JMJD1C: variants seen among roughly 807,000 people sequenced by gnomAD.
JMJD1C encodes the protein jumonji domain containing 1C.
Under a neutral mutation model 245.3 loss-of-function variants are expected in JMJD1C, and 31 were observed. The ratio of observed to expected loss-of-function variants is 0.13; its 90% CI spans 0.09 to 0.17. The LOEUF is 0.17. Ranked by LOEUF, JMJD1C falls within the 10% of genes least tolerant of loss-of-function variation. The pLI, the probability that JMJD1C is intolerant of heterozygous loss-of-function variation, is 1.00. For missense variants in JMJD1C, 2,691 were observed against 3,000.2 expected (o/e 0.90, Z 2.41); for synonymous variants, 1,057 against 1,017.4 (o/e 1.04, Z -0.74).
intron 1 of JMJD1C, among the ~76,000 whole-genome samples, chr10:63,505,159 T>C (rs1954679345): frequency 6.6e-6 from 1 of 151,608 alleles, no homozygotes; most frequent in African/African-American, 2.4e-5. Context: ...AAAAATATTT[T>C]TTAAAAAATT....
intron 24 of JMJD1C, among the ~76,000 whole-genome samples, chr10:63,169,028 T>TAAC (rs1842102769): frequency 1.3e-5 from 2 of 152,200 alleles, no homozygotes; most frequent in Non-Finnish European, 2.9e-5. Context: ...GAAACTTTGT[T>TAAC]AGGAACTGGG....
intron 2 of JMJD1C, among the ~76,000 whole-genome samples, chr10:63,312,265 G>A (rs1223153473): frequency 2.0e-5 from 3 of 151,826 alleles, no homozygotes; most frequent in Non-Finnish European, 4.4e-5. Flanking sequence ...GCATCACCAC[G>A]CCCAGCTAAT....
At chr10:63,324,481 T>C (rs768293047) in intron 2 of JMJD1C, among the ~76,000 whole-genome samples, 1 of 152,158 alleles carries the variant, frequency 6.6e-6, no homozygotes, top group Non-Finnish European at 1.5e-5. Context: ...TTTATACACA[T>C]CAAACAATAC....
intron 2 of JMJD1C, among the ~76,000 whole-genome samples, chr10:63,364,047 T>C (rs549508891): frequency 2.6e-4 from 39 of 152,138 alleles, no homozygotes; most frequent in African/African-American, 8.7e-4. Flanking sequence ...TTTTTTTACG[T>C]AGAGACTGGG....
Position 63,217,334 on chromosome 10 carries a change from TAAA to T in JMJD1C, c.554-6_554-4del. On this transcript the variant is annotated splice_region_variant and splice_polypyrimidine_tract_variant and intron_variant, in intron 4 of 25. Coordinates refer to ENST00000399262, the MANE Select transcript of JMJD1C (RefSeq NM_032776.3). The stretch of plus-strand genomic sequence containing the variant: ...GTATCCATTTAAGGAATAAGGACCT[TAAA>T]AAAAACACAAGAAACAGAAACATCT... 1.3e-6 allele frequency: 2 copies of T among 1,553,354 alleles called. No individual in the cohort carries two copies. Among genetic ancestry groups the T allele is most frequent in the Non-Finnish European group, 1.7e-6 (2 of 1,153,584 alleles).
intron 1 of JMJD1C, among the ~76,000 whole-genome samples, chr10:63,494,865 T>C (rs1221568390): frequency 6.6e-6 from 1 of 152,226 alleles, no homozygotes; most frequent in Non-Finnish European, 1.5e-5. Context: ...CAATATGATC[T>C]GAATAGGCTC....
At chr10:63,315,272 C>T (rs906731320) in intron 2 of JMJD1C, among the ~76,000 whole-genome samples, 5 of 152,112 alleles carry the variant, frequency 3.3e-5, no homozygotes, top group African/African-American at 1.2e-4. Context: ...CCTCTCCTAC[C>T]TCCCCCATCT....
At chr10:63,401,429 G>A (rs189748043) in intron 1 of JMJD1C, among the ~76,000 whole-genome samples, 2 of 151,870 alleles carry the variant, frequency 1.3e-5, no homozygotes, top group Admixed American at 1.3e-4. Context: ...GTTTTTGCTT[G>A]TAGAGCAGGA....
chr10:63,339,905 A>T (rs1003476573), intron 2 of JMJD1C, among the ~76,000 whole-genome samples: 1 of 152,136 alleles, frequency 6.6e-6, no homozygotes, highest in African/African-American at 2.4e-5. Flanking sequence ...TTCAGCTGAA[A>T]TTCTCATTAC....
upstream of JMJD1C, among the ~76,000 whole-genome samples, chr10:63,468,165 G>T (rs1347266289): frequency 6.6e-6 from 1 of 151,952 alleles, no homozygotes; most frequent in African/African-American, 2.4e-5. Flanking sequence ...TTTTCAGGAG[G>T]GCATATATCC....
At chr10:63,474,443 CTTTT>C (rs563616455) in intron 1 of JMJD1C, among the ~76,000 whole-genome samples, 2 of 146,716 alleles carry the variant, frequency 1.4e-5, no homozygotes, top group South Asian at 2.2e-4. Flanking sequence ...ATAAAAACAC[CTTTT>C]TTTTTTGTTT....
chr10:63,454,426 T>G (rs369587222), intron 1 of JMJD1C, among the ~76,000 whole-genome samples: 81 of 151,864 alleles, frequency 5.3e-4, no homozygotes, highest in African/African-American at 1.9e-3. Context: ...CCCAGCTAAT[T>G]TTTTTGTTGT....
intron 1 of JMJD1C, 116 bp from the exon 2 acceptor site, chr10:63,380,598 G>A: frequency 1.4e-6 from 1 of 704,998 alleles, no homozygotes; most frequent in Non-Finnish European, 2.3e-6. Context: ...CGTGATACAT[G>A]CACACAATGT....
At chr10:63,285,793 G>A (rs1009955498) in intron 2 of JMJD1C, among the ~76,000 whole-genome samples, 13 of 152,170 alleles carry the variant, frequency 8.5e-5, no homozygotes, top group African/African-American at 2.9e-4. Context: ...GGGCAACACT[G>A]TGGGACCCTG....
intron 2 of JMJD1C, among the ~76,000 whole-genome samples, chr10:63,321,529 C>T (rs1013438379): frequency 1.3e-5 from 2 of 152,230 alleles, no homozygotes; most frequent in African/African-American, 4.8e-5. Context: ...TACCCCAACA[C>T]ATCTGGTGTC....
At chr10:63,430,361 T>C (rs1377450801) in intron 1 of JMJD1C, among the ~76,000 whole-genome samples, 1 of 151,844 alleles carries the variant, frequency 6.6e-6, no homozygotes, top group African/African-American at 2.4e-5. Context: ...AAATCAAGAG[T>C]GAAAAGACAA....
intron 13 of JMJD1C, among the ~76,000 whole-genome samples, chr10:63,196,963 A>T (rs1200363791): frequency 6.6e-6 from 1 of 150,474 alleles, no homozygotes; most frequent in South Asian, 2.1e-4. Flanking sequence ...TGCGCAGCTC[A>T]TTTTTTGTAT....
Position 63,167,823 on chromosome 10 carries a change from T to G in JMJD1C, c.*222A>C. 2.1e-6 allele frequency: 1 copy of G among 470,196 alleles called. No individual in the cohort carries two copies. Among genetic ancestry groups the G allele is most frequent in the Non-Finnish European group, 3.8e-6 (1 of 262,142 alleles). 29.1% of individuals were successfully genotyped at this position (470,196 alleles called of 1,614,324 possible). A position where few individuals can be genotyped will look rare whatever the true frequency, so the allele number is the denominator to read the frequency against. On this transcript the variant is annotated 3_prime_UTR_variant, in exon 26 of 26. Transcript: ENST00000399262. ...CATATACACTATAATACAAAACAGC[T>G]ATATAGTGCTGCTTTTAAAATTCTG...
At chr10:63,335,633 T>C (rs1482492570) in intron 2 of JMJD1C, among the ~76,000 whole-genome samples, 2 of 152,004 alleles carry the variant, frequency 1.3e-5, no homozygotes, top group African/African-American at 4.8e-5. Context: ...TGCCTCAGCC[T>C]CCCAAGTAGC....
Sources: allele counts gnomAD v4.1 joint callset (sites outside exome capture counted in the v4.1 genomes callset), GRCh38; gene constraint gnomAD v4.1.1; transcripts MANE v1.5; gene names NCBI Gene and HGNC (gene_info 2026-07-23, HGNC 2026-07-21).